Variants in PTPRD observed in about 807,000 individuals in gnomAD.
PTPRD encodes the protein receptor-type tyrosine-protein phosphatase delta.
In PTPRD, 34 loss-of-function variants were observed where a neutral mutation model predicts 214.5. The observed-to-expected ratio is 0.16, with a 90% CI of 0.12 to 0.21. The LOEUF (loss-of-function observed/expected upper bound fraction) is 0.21, where lower values mean the gene tolerates loss of function less well. Ranked by LOEUF, PTPRD falls within the 10% of genes least tolerant of loss-of-function variation. PTPRD has a pLI of 1.00. For synonymous variants in PTPRD, 1,128 were observed against 845.7 expected, an observed-to-expected ratio of 1.33 and a Z score of -5.79; for missense variants, 2,545 against 2,398.7, an observed-to-expected ratio of 1.06 and a Z score of -1.27.
chr9:9,790,820 T>G (rs2098961575), intron 5 of PTPRD, among the ~76,000 whole-genome samples: 1 of 152,292 alleles, frequency 6.6e-6, no homozygotes, highest in South Asian at 2.1e-4. Context: ...TGGGACCAAG[T>G]ATGACAATAG....
intron 3 of PTPRD, among the ~76,000 whole-genome samples, chr9:10,325,938 T>C (rs761827661): frequency 6.6e-6 from 1 of 151,878 alleles, no homozygotes; most frequent in Non-Finnish European, 1.5e-5. Flanking sequence ...AATTTTTTTA[T>C]GTAACAAACA....
intron 5 of PTPRD, among the ~76,000 whole-genome samples, chr9:9,845,098 ATATACTGC>A (rs2059216076): frequency 2.5e-5 from 3 of 121,118 alleles, no homozygotes; most frequent in Non-Finnish European, 4.9e-5. Context: ...ATAGCTATAT[ATATACTGC>A]TATATATATT....
intron 11 of PTPRD, among the ~76,000 whole-genome samples, chr9:8,781,179 A>T (rs1160549106): frequency 1.3e-5 from 2 of 152,194 alleles, no homozygotes; most frequent in Non-Finnish European, 2.9e-5. Context: ...AGACTGAAGG[A>T]ATGATACAAG....
chr9:8,986,628 A>T (rs991831902), intron 11 of PTPRD, among the ~76,000 whole-genome samples: 1 of 152,038 alleles, frequency 6.6e-6, no homozygotes, highest in African/African-American at 2.4e-5. Context: ...AACCATTCCT[A>T]TATTTAGCCC....
At position 8,733,966 on chromosome 9, in the gene PTPRD, G is replaced by A. The variant is rs1292272168; in HGVS notation, c.-103-20C>T. The A allele has an allele frequency of 5.1e-6, 5 of 972,050 alleles. No individual in the cohort carries two copies. Among genetic ancestry groups the A allele is most frequent in the African/African-American group, 3.2e-5 (2 of 61,736 alleles). 60.2% of individuals were successfully genotyped at this position (972,050 alleles called of 1,614,324 possible). ...CAGAGCCTGAAAGCGGGGAGGAAGA[G>A]AAAAGAAAAGGAAGAAAACACAAAA... On this transcript the variant is annotated intron_variant, in intron 11 of 45. Coordinates refer to ENST00000381196, the MANE Select transcript of PTPRD (RefSeq NM_002839.4).
chr9:9,055,252 T>C (rs1380749587), intron 10 of PTPRD, among the ~76,000 whole-genome samples: 1 of 152,148 alleles, frequency 6.6e-6, no homozygotes, highest in Non-Finnish European at 1.5e-5. Context: ...TGATTATAGT[T>C]AACAATATTT....
chr9:9,619,431 A>G (rs1200371444), intron 7 of PTPRD, among the ~76,000 whole-genome samples: 4 of 150,448 alleles, frequency 2.7e-5, no homozygotes, highest in East Asian at 3.9e-4. Context: ...AAAACAATTT[A>G]ATATATATCT....
At chr9:8,484,656 T>C (rs1369613863) in intron 29 of PTPRD, among the ~76,000 whole-genome samples, 1 of 124,950 alleles carries the variant, frequency 8.0e-6, no homozygotes, top group Non-Finnish European at 1.7e-5. Context: ...ATATTAGACC[T>C]GTCAGTTGTA....
At chr9:8,990,706 T>C (rs151302411) in intron 11 of PTPRD, among the ~76,000 whole-genome samples, 9 of 152,234 alleles carry the variant, frequency 5.9e-5, no homozygotes, top group African/African-American at 1.9e-4. Context: ...AAGAAATTGA[T>C]GTACCTTGTT....
At chr9:10,471,077 T>A (rs947707016) in intron 2 of PTPRD, among the ~76,000 whole-genome samples, 16 of 152,040 alleles carry the variant, frequency 1.1e-4, no homozygotes, top group African/African-American at 3.4e-4. Context: ...TTCTCACTTA[T>A]AAGCGGGAGT....
chr9:10,591,826 CCATGTCACAGG>C (rs2075524030), intron 2 of PTPRD, among the ~76,000 whole-genome samples: 1 of 152,060 alleles, frequency 6.6e-6, no homozygotes, highest in Non-Finnish European at 1.5e-5. Flanking sequence ...CTATTTCCTA[CCATGTCACAGG>C]CAGCCCTAGC....
At chr9:8,961,078 T>A (rs1299023721) in intron 11 of PTPRD, among the ~76,000 whole-genome samples, 1 of 152,016 alleles carries the variant, frequency 6.6e-6, no homozygotes, top group Non-Finnish European at 1.5e-5. Context: ...TATAATGAAA[T>A]ACCAGCTGCC....
chr9:8,452,337 T>C (rs1243601659), intron 33 of PTPRD, among the ~76,000 whole-genome samples: 1 of 152,202 alleles, frequency 6.6e-6, no homozygotes, highest in Non-Finnish European at 1.5e-5. Flanking sequence ...AGAATGATTG[T>C]TTTCTAACAC....
chr9:10,117,879 A>T (rs1161295082), intron 3 of PTPRD, among the ~76,000 whole-genome samples: 4 of 152,038 alleles, frequency 2.6e-5, no homozygotes, highest in Non-Finnish European at 5.9e-5. Context: ...CTTTCATGGA[A>T]TTACATGCTT....
intron 8 of PTPRD, among the ~76,000 whole-genome samples, chr9:9,517,530 A>G (rs1286461100): frequency 6.6e-6 from 1 of 152,086 alleles, no homozygotes; most frequent in Non-Finnish European, 1.5e-5. Flanking sequence ...TAATAAATAA[A>G]CAGTTAATGT....
intron 9 of PTPRD, among the ~76,000 whole-genome samples, chr9:9,251,931 C>T (rs2099975631): frequency 6.6e-6 from 1 of 152,080 alleles, no homozygotes. Flanking sequence ...CAAAATACTA[C>T]CCAGAGTGCC....
At chr9:8,647,267 A>C (rs1386050809) in intron 12 of PTPRD, among the ~76,000 whole-genome samples, 2 of 152,234 alleles carry the variant, frequency 1.3e-5, no homozygotes, top group East Asian at 1.9e-4. Flanking sequence ...AAGTAAAATG[A>C]CTTTACTCTT....
intron 14 of PTPRD, among the ~76,000 whole-genome samples, chr9:8,596,972 T>C (rs1189845200): frequency 2.6e-5 from 4 of 152,122 alleles, no homozygotes; most frequent in African/African-American, 7.2e-5. Flanking sequence ...TATATTACTG[T>C]GCTGTTAACA....
chr9:9,517,999 C>T (rs1420732702), intron 8 of PTPRD, among the ~76,000 whole-genome samples: 1 of 151,950 alleles, frequency 6.6e-6, no homozygotes, highest in African/African-American at 2.4e-5. Flanking sequence ...CTTTTATACT[C>T]AATGCATTAA....
Sources: allele counts gnomAD v4.1 joint callset (sites outside exome capture counted in the v4.1 genomes callset), GRCh38; gene constraint gnomAD v4.1.1; transcripts MANE v1.5; gene names NCBI Gene and HGNC (gene_info 2026-07-23, HGNC 2026-07-21).